The following ROPN1L variants were observed in gnomAD, a reference collection of about 807,000 sequenced individuals.
ROPN1L encodes ropporin-1-like protein.
Under a neutral mutation model 22.7 loss-of-function variants are expected in ROPN1L, and 23 were observed. The ratio of observed to expected loss-of-function variants is 1.01; its 90% CI spans 0.73 to 1.43. The LOEUF is 1.43. ROPN1L is among the 40% of genes most tolerant of loss of function. The probability of loss-of-function intolerance (pLI) is 0.00; values close to 1 mark genes in which losing one functional copy is unlikely to be tolerated. For synonymous variants in ROPN1L, 116 were observed against 117.8 expected, an observed-to-expected ratio of 0.98 and a Z score of 0.10; for missense variants, 271 against 291.5, an observed-to-expected ratio of 0.93 and a Z score of 0.51.
Position 10,465,001 on chromosome 5 carries a change from C to T in ROPN1L, c.*54C>T. 9.6e-7 allele frequency: 1 copy of T among 1,042,058 alleles called. No individual in the cohort carries two copies. Among genetic ancestry groups the T allele is most frequent in the South Asian group, 1.5e-5 (1 of 66,440 alleles). The allele number at this position is 1,042,058 out of a possible 1,614,324, so 64.6% of individuals were successfully genotyped here. The stretch of plus-strand genomic sequence containing the variant: ...AATAGTGCTCTTTAAAATTCTGGCA[C>T]CAAATACAACTTACCCTGAATCACA... On this transcript the variant is annotated 3_prime_UTR_variant, in exon 5 of 5. Coordinates refer to ENST00000274134, the MANE Select transcript of ROPN1L (RefSeq NM_031916.5).
At chr5:10,482,267 A>G in the ROPN1L span, 1 of 152,026 alleles carries the variant, frequency 6.6e-6, no homozygotes, top group Non-Finnish European at 1.5e-5. Flanking sequence ...CTTTCTTATC[A>G]TAGTTTACCG....
downstream of ROPN1L, among the ~76,000 whole-genome samples, chr5:10,474,067 G>A (rs1465319574): frequency 6.6e-6 from 1 of 151,594 alleles, no homozygotes; most frequent in Non-Finnish European, 1.5e-5. Context: ...CACAAAAATC[G>A]CTTGAGCCCC....
downstream of ROPN1L, among the ~76,000 whole-genome samples, chr5:10,469,356 A>G (rs1273221242): frequency 6.7e-6 from 1 of 149,992 alleles, no homozygotes; most frequent in Non-Finnish European, 1.5e-5. Context: ...AAGTGGTGGC[A>G]TACGCCTGTG....
downstream of ROPN1L, among the ~76,000 whole-genome samples, chr5:10,474,522 C>T (rs188148014): frequency 1.1e-3 from 169 of 152,316 alleles, 1 homozygote; most frequent in African/African-American, 3.7e-3. Context: ...AGCCAAAAAA[C>T]GAGACCTCAG....
At chr5:10,467,184 C>T (rs1196644382), downstream of ROPN1L, among the ~76,000 whole-genome samples, 1 of 151,936 alleles carries the variant, frequency 6.6e-6, no homozygotes, top group Non-Finnish European at 1.5e-5. Flanking sequence ...TGGTTTTAGC[C>T]TGACTTGGCA....
chr5:10,448,219 T>G, intron 1 of ROPN1L, 41 bp from the exon 2 acceptor site: 2 of 1,610,694 alleles, frequency 1.2e-6, no homozygotes, highest in Non-Finnish European at 1.7e-6. Flanking sequence ...AGCTGTTTTT[T>G]GTGTATTGAT....
intron 1 of ROPN1L, among the ~76,000 whole-genome samples, chr5:10,443,131 G>A (rs1346498241): frequency 1.3e-5 from 2 of 152,004 alleles, no homozygotes; most frequent in Admixed American, 1.3e-4. Context: ...AAGCTGGGAG[G>A]ATCACTTGAG....
chr5:10,446,708 G>C (rs969254082), intron 1 of ROPN1L, among the ~76,000 whole-genome samples: 8 of 151,794 alleles, frequency 5.3e-5, no homozygotes. Flanking sequence ...TTTTGGCTGG[G>C]GAGGAGGGTG....
rs145164044 is a variant in ROPN1L, at chr5:10,444,837, T to C, written c.131+2539T>C. Reference sequence around the variant, plus strand: ...TTGTTTGAAACCGGGAAGCAGAGGTTGCAGTGAGCCAAGATCGTGCCACTG... The same window carrying C: ...TTGTTTGAAACCGGGAAGCAGAGGTCGCAGTGAGCCAAGATCGTGCCACTG... On this transcript the variant is annotated intron_variant, in intron 1 of 4. Transcript: ENST00000274134. Among the ~76,000 whole-genome samples, 683 of 151,766 alleles carry C rather than the reference T, an allele frequency of 4.5e-3. 36 individuals are homozygous for C. The East Asian group carries it at 0.11, about 25-fold the overall frequency.
At chr5:10,450,191 C>G in intron 3 of ROPN1L, 78 bp downstream of exon 3, 1 of 1,166,660 alleles carries the variant, frequency 8.6e-7, no homozygotes, top group East Asian at 2.7e-5. Context: ...GTTTCAGTAA[C>G]TAAAGGAAAC....
chr5:10,454,830 G>C (rs912744981), intron 3 of ROPN1L, among the ~76,000 whole-genome samples: 1 of 152,182 alleles, frequency 6.6e-6, no homozygotes, highest in African/African-American at 2.4e-5. Context: ...CTTTGAGGAA[G>C]GCACCATCAG....
chr5:10,445,658 G>A (rs367693270), intron 1 of ROPN1L, among the ~76,000 whole-genome samples: 1 of 152,192 alleles, frequency 6.6e-6, no homozygotes, highest in South Asian at 2.1e-4. Context: ...GAGCACGGTG[G>A]CTCACACCTG....
At chr5:10,459,970 A>G (rs1295621365) in intron 3 of ROPN1L, among the ~76,000 whole-genome samples, 2 of 152,162 alleles carry the variant, frequency 1.3e-5, no homozygotes, top group African/African-American at 4.8e-5. Context: ...TTAAGCAGCC[A>G]CCTGTGTGAG....
At chr5:10,449,883 A>G (rs1319404866) in intron 2 of ROPN1L, 69 bp from the exon 3 acceptor site, 2 of 1,366,624 alleles carry the variant, frequency 1.5e-6, no homozygotes, top group Non-Finnish European at 2.0e-6. Flanking sequence ...TGTGTTGAAT[A>G]TTCACAGCAT....
At chr5:10,455,592 C>T (rs1056045184) in intron 3 of ROPN1L, among the ~76,000 whole-genome samples, 2 of 152,234 alleles carry the variant, frequency 1.3e-5, no homozygotes, top group African/African-American at 4.8e-5. Flanking sequence ...ATGCGGGCCG[C>T]TGTGGCCTCC....
chr5:10,463,712 A>G (rs1735088809), intron 4 of ROPN1L, among the ~76,000 whole-genome samples: 1 of 152,174 alleles, frequency 6.6e-6, no homozygotes, highest in Admixed American at 6.5e-5. Context: ...GGATGTAGTC[A>G]GTGAACAGGT....
At chr5:10,453,028 C>G (rs746695206) in intron 3 of ROPN1L, among the ~76,000 whole-genome samples, 1 of 152,212 alleles carries the variant, frequency 6.6e-6, no homozygotes, top group African/African-American at 2.4e-5. Flanking sequence ...TGCATCACTG[C>G]GGGTTCCTGC....
At chr5:10,443,386 G>A (rs564297918) in intron 1 of ROPN1L, among the ~76,000 whole-genome samples, 1 of 152,132 alleles carries the variant, frequency 6.6e-6, no homozygotes, top group East Asian at 1.9e-4. Flanking sequence ...ACTTTGGGAG[G>A]CCGAGGCGGG....
chr5:10,449,895 C>T, intron 2 of ROPN1L, 57 bp from the exon 3 acceptor site: 3 of 1,464,944 alleles, frequency 2.0e-6, no homozygotes, highest in Non-Finnish European at 2.8e-6. Context: ...TCACAGCATT[C>T]ATTGTTTCCC....
Sources: allele counts gnomAD v4.1 joint callset (sites outside exome capture counted in the v4.1 genomes callset), GRCh38; gene constraint gnomAD v4.1.1; transcripts MANE v1.5; gene names NCBI Gene and HGNC (gene_info 2026-07-23, HGNC 2026-07-21).